The following NPAS3 variants were observed in gnomAD, a reference collection of about 807,000 sequenced individuals.
NPAS3 encodes the protein neuronal PAS domain-containing protein 3.
Under a neutral mutation model 73.1 loss-of-function variants are expected in NPAS3, and 14 were observed. The ratio of observed to expected loss-of-function variants is 0.19; its 90% CI spans 0.13 to 0.30. The LOEUF is 0.30. Ranked by LOEUF, NPAS3 falls within the 10% of genes least tolerant of loss-of-function variation. The pLI is 1.00. For missense variants in NPAS3, 1,096 were observed against 1,250.0 expected, an observed-to-expected ratio of 0.88 and a Z score of 1.86; for synonymous variants, 620 against 541.5, an observed-to-expected ratio of 1.14 and a Z score of -2.01.
In NPAS3 at chr14:33,328,446, C is replaced by CTTTTTTTTTTTTTTTTTTTTTTTTT. The variant is rs58411120; in HGVS notation, c.386-38726_386-38702dup. Among the ~76,000 whole-genome samples the CTTTTTTTTTTTTTTTTTTTTTTTTT allele has an allele frequency of 4.0e-5, 2 of 49,584 alleles. 1 individual carries two copies. Among genetic ancestry groups the CTTTTTTTTTTTTTTTTTTTTTTTTT allele is most frequent in the Non-Finnish European group, 7.5e-5 (2 of 26,758 alleles). The allele number at this position is 49,584 out of a possible 152,430, so 32.5% of individuals were successfully genotyped here. A position where few individuals can be genotyped will look rare whatever the true frequency, so the allele number is the denominator to read the frequency against. ...TTTATCTTTCTTTTCCTTTTCTTTT[C>CTTTTTTTTTTTTTTTTTTTTTTTTT]TTTTTTTTTTTTTTTTTTTTTTTTT... On this transcript the variant is annotated intron_variant, in intron 3 of 11. Coordinates refer to ENST00000356141, the Ensembl canonical transcript of NPAS3.
intron 4 of NPAS3, among the ~76,000 whole-genome samples, chr14:33,483,428 T>C (rs2051427716): frequency 1.3e-5 from 2 of 152,186 alleles, no homozygotes; most frequent in African/African-American, 4.8e-5. Flanking sequence ...ACCTTTATTA[T>C]CTATCCGGAG....
chr14:33,588,325 G>A (rs2056940719), intron 5 of NPAS3, among the ~76,000 whole-genome samples: 1 of 152,150 alleles, frequency 6.6e-6, no homozygotes, highest in African/African-American at 2.4e-5. Flanking sequence ...CCTCCCAGAT[G>A]CAGGGCAGAT....
chr14:32,975,210 T>C (rs2037602315), intron 1 of NPAS3, among the ~76,000 whole-genome samples: 1 of 151,728 alleles, frequency 6.6e-6, no homozygotes, highest in Non-Finnish European at 1.5e-5. Context: ...CACAGAGAAC[T>C]TGCATTAACA....
intron 3 of NPAS3, among the ~76,000 whole-genome samples, chr14:33,215,742 C>A (rs539758258): frequency 1.3e-5 from 2 of 152,022 alleles, no homozygotes; most frequent in Non-Finnish European, 2.9e-5. Context: ...CATACAAATT[C>A]TTCTTCATGA....
intron 5 of NPAS3, among the ~76,000 whole-genome samples, chr14:33,659,692 T>TAGAAAC (rs932366095): frequency 2.1e-4 from 32 of 152,120 alleles, no homozygotes; most frequent in African/African-American, 7.5e-4. Flanking sequence ...AATAGTTTAC[T>TAGAAAC]AGAAACCATA....
At chr14:33,114,080 G>A (rs1483852978) in intron 2 of NPAS3, among the ~76,000 whole-genome samples, 1 of 152,064 alleles carries the variant, frequency 6.6e-6, no homozygotes, top group African/African-American at 2.4e-5. Flanking sequence ...CTATTGGCCG[G>A]GCTGGAGTGC....
intron 1 of NPAS3, among the ~76,000 whole-genome samples, chr14:32,992,341 T>G (rs906026325): frequency 6.6e-6 from 1 of 152,244 alleles, no homozygotes; most frequent in African/African-American, 2.4e-5. Context: ...TCTGTTTTCT[T>G]AAGATGACTT....
intron 2 of NPAS3, among the ~76,000 whole-genome samples, chr14:33,056,228 AG>A (rs1270597755): frequency 2.0e-5 from 3 of 152,160 alleles, no homozygotes; most frequent in African/African-American, 4.8e-5. Context: ...GTGGTCTAAA[AG>A]TTTTTTTTAA....
At chr14:33,313,382 T>A (rs1012253067) in intron 3 of NPAS3, among the ~76,000 whole-genome samples, 2 of 151,958 alleles carry the variant, frequency 1.3e-5, no homozygotes, top group Non-Finnish European at 2.9e-5. Flanking sequence ...TCTAAAGTGA[T>A]CCTCTAAGAG....
At chr14:33,519,266 A>T (rs2053452037) in intron 4 of NPAS3, among the ~76,000 whole-genome samples, 1 of 152,074 alleles carries the variant, frequency 6.6e-6, no homozygotes, top group African/African-American at 2.4e-5. Context: ...TCAGTATCCT[A>T]GTCTGCCATC....
chr14:33,475,610 A>C (rs1407475814), intron 4 of NPAS3, among the ~76,000 whole-genome samples: 1 of 152,000 alleles, frequency 6.6e-6, no homozygotes, highest in African/African-American at 2.4e-5. Context: ...CTAGTTCAAG[A>C]ACTGTCTGAA....
intron 1 of NPAS3, among the ~76,000 whole-genome samples, chr14:32,994,963 C>T (rs1429216244): frequency 6.6e-6 from 1 of 152,154 alleles, no homozygotes; most frequent in Non-Finnish European, 1.5e-5. Flanking sequence ...AATATTTAAG[C>T]ACTTTGAGTT....
At chr14:33,776,521 TAAAAAAAAAAAAAAA>T (rs552348267) in intron 8 of NPAS3, among the ~76,000 whole-genome samples, 35 of 32,054 alleles carry the variant, frequency 1.1e-3, no homozygotes, top group East Asian at 7.8e-3. Flanking sequence ...TTCTTCCTCT[TAAAAAAAAAAAAAAA>T]AAAAAAAAAA....
At chr14:33,252,521 T>G (rs1296077748) in intron 3 of NPAS3, among the ~76,000 whole-genome samples, 1 of 152,014 alleles carries the variant, frequency 6.6e-6, no homozygotes, top group Non-Finnish European at 1.5e-5. Flanking sequence ...GATGTAGTGG[T>G]TATTCTTTTA....
intron 6 of NPAS3, among the ~76,000 whole-genome samples, chr14:33,721,324 A>C (rs2140546199): frequency 6.6e-6 from 1 of 152,294 alleles, no homozygotes; most frequent in South Asian, 2.1e-4. Context: ...ACAACAAAAA[A>C]ACTTTGAAGG....
chr14:33,177,644 T>C (rs1240743066), intron 2 of NPAS3, among the ~76,000 whole-genome samples: 1 of 152,214 alleles, frequency 6.6e-6, no homozygotes, highest in African/African-American at 2.4e-5. Context: ...AATTTTATAG[T>C]TTTAGCATTG....
chr14:33,345,310 T>A (rs534727222), intron 3 of NPAS3, among the ~76,000 whole-genome samples: 82 of 152,272 alleles, frequency 5.4e-4, no homozygotes, highest in Non-Finnish European at 1.1e-3. Context: ...GGGATGAAAA[T>A]CTGGTTTCAA....
At chr14:33,207,827 G>C (rs1218967273) in intron 2 of NPAS3, among the ~76,000 whole-genome samples, 1 of 152,202 alleles carries the variant, frequency 6.6e-6, no homozygotes, top group Admixed American at 6.5e-5. Flanking sequence ...TCTTATATCA[G>C]CTGTGTCATC....
At chr14:33,167,235 G>A (rs987537065) in intron 2 of NPAS3, among the ~76,000 whole-genome samples, 38 of 152,204 alleles carry the variant, frequency 2.5e-4, no homozygotes, top group African/African-American at 9.1e-4. Context: ...TAGCAGAGGG[G>A]CCGTGATCAG....
Sources: allele counts gnomAD v4.1 joint callset (sites outside exome capture counted in the v4.1 genomes callset), GRCh38; gene constraint gnomAD v4.1.1; transcripts MANE v1.5; gene names NCBI Gene and HGNC (gene_info 2026-07-23, HGNC 2026-07-21).